Variants in CRYBG1 observed in about 807,000 individuals in gnomAD.
CRYBG1 encodes the protein crystallin beta-gamma domain containing 1.
CRYBG1 carries 139 observed loss-of-function variants against 189.2 expected under a neutral mutation model. That is an observed-to-expected ratio of 0.73 (90% CI 0.64 to 0.85). CRYBG1 has a LOEUF of 0.85. Ranked by LOEUF, CRYBG1 falls within the 40% of genes least tolerant of loss-of-function variation. The probability of loss-of-function intolerance (pLI) is 0.00; values close to 1 mark genes in which losing one functional copy is unlikely to be tolerated. For missense variants in CRYBG1, 2,611 were observed against 2,675.8 expected (o/e 0.98, Z 0.53); for synonymous variants, 1,023 against 1,017.1 (o/e 1.01, Z -0.11).
chr6:106,500,888 C>A (rs760197282), intron 2 of CRYBG1, among the ~76,000 whole-genome samples: 10 of 152,168 alleles, frequency 6.6e-5, no homozygotes, highest in South Asian at 4.1e-4. Flanking sequence ...TAGAGACAGG[C>A]CTTTGTTTCT....
intron 2 of CRYBG1, among the ~76,000 whole-genome samples, chr6:106,483,591 A>G (rs58220833): frequency 0.11 from 16,948 of 151,826 alleles, 1,182 homozygotes; most frequent in East Asian, 0.27. Flanking sequence ...AGGAATCTCT[A>G]TATTGTTTTC....
At chr6:106,478,787 G>A (rs1188104526) in intron 2 of CRYBG1, among the ~76,000 whole-genome samples, 2 of 152,180 alleles carry the variant, frequency 1.3e-5, no homozygotes, top group African/African-American at 4.8e-5. Flanking sequence ...TCCACCTCCT[G>A]TCAGATCAGT....
intron 1 of CRYBG1, among the ~76,000 whole-genome samples, chr6:106,408,005 A>G (rs1770856549): frequency 6.6e-6 from 1 of 152,142 alleles, no homozygotes; most frequent in African/African-American, 2.4e-5. Flanking sequence ...CTAGCAGAAG[A>G]CAAGAAATAA....
rs1352317827 is a variant in CRYBG1, at chr6:106,568,503, C to T, written c.6333C>T (p.Ile2111=). The T allele has an allele frequency of 9.9e-6, 16 of 1,613,902 alleles. 1 individual carries two copies. The East Asian group carries it at 3.3e-4, about 34-fold the overall frequency. The part of the protein sequence containing the change: ...GGTQYDQNHI[I]LNTVSKEKFT... Reference sequence around the variant, plus strand: ...CACAGTATGATCAAAATCACATTATCCTCAACACTGTCAGCAAAGAGAAGT... The same window carrying T: ...CACAGTATGATCAAAATCACATTATTCTCAACACTGTCAGCAAAGAGAAGT... The change falls in exon 22 of 22, where the codon ATC becomes ATT. Residue 2111 remains isoleucine, a synonymous_variant. Coordinates refer to ENST00000633556, the MANE Select transcript of CRYBG1 (RefSeq NM_001371242.2).
At chr6:106,480,227 T>C (rs1449180508) in intron 2 of CRYBG1, among the ~76,000 whole-genome samples, 1 of 152,160 alleles carries the variant, frequency 6.6e-6, no homozygotes, top group Non-Finnish European at 1.5e-5. Context: ...TGCTATGTGG[T>C]TCTGGTTAGG....
intron 2 of CRYBG1, among the ~76,000 whole-genome samples, chr6:106,462,278 C>G (rs1364410765): frequency 6.6e-6 from 1 of 152,206 alleles, no homozygotes; most frequent in East Asian, 1.9e-4. Context: ...TCACGCCATT[C>G]TCCCGCCTCA....
At chr6:106,410,438 A>C (rs1301450688) in intron 1 of CRYBG1, among the ~76,000 whole-genome samples, 2 of 152,244 alleles carry the variant, frequency 1.3e-5, no homozygotes, top group Admixed American at 1.3e-4. Context: ...AGTGTAAATT[A>C]GTTCAACCAT....
chr6:106,548,867 A>T (rs541171293), intron 13 of CRYBG1, among the ~76,000 whole-genome samples: 1 of 148,508 alleles, frequency 6.7e-6, no homozygotes, highest in African/African-American at 2.5e-5. Flanking sequence ...AGCATTAGGT[A>T]TATCTCCTAA....
At chr6:106,542,060 A>C in intron 10 of CRYBG1, among the ~76,000 whole-genome samples, 1 of 152,014 alleles carries the variant, frequency 6.6e-6, no homozygotes, top group Non-Finnish European at 1.5e-5. Flanking sequence ...TTTCAATTTT[A>C]ACACTACTTT....
At chr6:106,484,911 A>C (rs1213001689) in intron 2 of CRYBG1, among the ~76,000 whole-genome samples, 2 of 152,148 alleles carry the variant, frequency 1.3e-5, no homozygotes, top group Non-Finnish European at 2.9e-5. Context: ...GGATTGCTTG[A>C]GACCAGCAGT....
In CRYBG1 at chr6:106,570,232, AGTCTATGGT is replaced by A. The variant is rs1209249460; in HGVS notation, c.*1667_*1675del. 1.3e-5 allele frequency: 2 copies of A among 152,150 alleles called. No individual in the cohort carries two copies. Among genetic ancestry groups the A allele is most frequent in the East Asian group, 3.9e-4 (2 of 5,194 alleles). 9.4% of individuals were successfully genotyped at this position (152,150 alleles called of 1,614,324 possible). On this transcript the variant is annotated 3_prime_UTR_variant, in exon 22 of 22. Coordinates refer to ENST00000633556, the MANE Select transcript of CRYBG1 (RefSeq NM_001371242.2). ...ATTCTAAAATGCTGATCTTCTCTGG[AGTCTATGGT>A]AGGCAATTATGGTCACTGGAATAGT... is the stretch of plus-strand genomic sequence containing the variant.
At chr6:106,406,021 A>G (rs1422903546) in intron 1 of CRYBG1, among the ~76,000 whole-genome samples, 2 of 152,208 alleles carry the variant, frequency 1.3e-5, no homozygotes, top group Non-Finnish European at 2.9e-5. Context: ...CTGGATGGAG[A>G]ATGAGTTTGA....
intron 1 of CRYBG1, among the ~76,000 whole-genome samples, chr6:106,448,274 C>T (rs558124098): frequency 6.6e-6 from 1 of 152,210 alleles, no homozygotes; most frequent in African/African-American, 2.4e-5. Context: ...TTAGCCAACA[C>T]CCCATCATTC....
chr6:106,552,743 T>G lies in CRYBG1; in HGVS notation c.5472+527T>G, dbSNP rs112458274. Among the ~76,000 whole-genome samples the G allele has an allele frequency of 2.9e-3, 439 of 149,790 alleles. 3 individuals carry two copies. Among genetic ancestry groups the G allele is most frequent in the African/African-American group, 0.011 (428 of 39,094 alleles). ...TACTGACCCATGTCTAAATAATTCT[T>G]ATAAAATGCTTATTGTATAAAGCTG... On this transcript the variant is annotated intron_variant, in intron 15 of 21. Coordinates refer to ENST00000633556, the MANE Select transcript of CRYBG1 (RefSeq NM_001371242.2).
At chr6:106,384,233 A>G (rs958574130) in intron 1 of CRYBG1, among the ~76,000 whole-genome samples, 39 of 152,294 alleles carry the variant, frequency 2.6e-4, no homozygotes, top group African/African-American at 9.1e-4. Flanking sequence ...GGGACTTCCC[A>G]TCGGTAACTG....
chr6:106,460,075 C>T (rs1562313218), intron 2 of CRYBG1, among the ~76,000 whole-genome samples: 1 of 151,930 alleles, frequency 6.6e-6, no homozygotes, highest in Non-Finnish European at 1.5e-5. Context: ...GAAGCTCTGC[C>T]TCCCGGGGTC....
intron 13 of CRYBG1, among the ~76,000 whole-genome samples, chr6:106,545,651 G>A (rs1287251129): frequency 6.6e-6 from 1 of 151,854 alleles, no homozygotes; most frequent in African/African-American, 2.4e-5. Flanking sequence ...TGCATTTGGT[G>A]GCCTGTGGCC....
chr6:106,455,498 A>G (rs1252214134), intron 2 of CRYBG1, among the ~76,000 whole-genome samples: 1 of 151,888 alleles, frequency 6.6e-6, no homozygotes, highest in Non-Finnish European at 1.5e-5. Flanking sequence ...TTTAAAAAAA[A>G]AAAGGAACAA....
chr6:106,366,177 G>A (rs1232211405), intron 1 of CRYBG1, among the ~76,000 whole-genome samples: 1 of 152,148 alleles, frequency 6.6e-6, no homozygotes, highest in East Asian at 1.9e-4. Flanking sequence ...GTCTTTTGTG[G>A]CTGGTTTGGT....
Sources: gnomAD v4.1 joint callset for allele counts (sites outside exome capture counted in the v4.1 genomes callset) on GRCh38, gnomAD v4.1.1 for gene constraint, MANE v1.5 for transcripts, NCBI Gene and HGNC (gene_info 2026-07-23, HGNC 2026-07-21) for gene names.